CDH18: variants seen among roughly 807,000 people sequenced by gnomAD.
The protein encoded by CDH18 is cadherin 18, also known as cadherin-18.
Under a neutral mutation model 67.9 loss-of-function variants are expected in CDH18, and 31 were observed. That is an observed-to-expected ratio of 0.46 (90% CI 0.34 to 0.62). The LOEUF is 0.62. CDH18 is among the 20% of genes least tolerant of loss of function. The probability of loss-of-function intolerance (pLI) is 0.01; values close to 1 mark genes in which losing one functional copy is unlikely to be tolerated. For synonymous variants in CDH18, 362 were observed against 347.2 expected (o/e 1.04, Z -0.48); for missense variants, 890 against 975.5 (o/e 0.91, Z 1.17).
intron 4 of CDH18, among the ~76,000 whole-genome samples, chr5:19,744,679 GC>G (rs1769737141): frequency 6.6e-6 from 1 of 151,864 alleles, no homozygotes; most frequent in Non-Finnish European, 1.5e-5. Flanking sequence ...TATTTATTTT[GC>G]CCTAGCTGAT....
intron 8 of CDH18, among the ~76,000 whole-genome samples, chr5:19,550,696 C>T (rs1165135794): frequency 7.2e-6 from 1 of 138,616 alleles, no homozygotes; most frequent in Non-Finnish European, 1.6e-5. Context: ...CAAGTCTTTG[C>T]TGTTGTGAAT....
At chr5:20,130,029 T>C (rs1749133193) in intron 2 of CDH18, among the ~76,000 whole-genome samples, 1 of 150,678 alleles carries the variant, frequency 6.6e-6, no homozygotes, top group African/African-American at 2.4e-5. Context: ...TGGTGGAAAG[T>C]ACCTATACAG....
intron 1 of CDH18, among the ~76,000 whole-genome samples, chr5:20,375,047 T>C (rs1045855038): frequency 6.6e-6 from 1 of 152,204 alleles, no homozygotes; most frequent in Non-Finnish European, 1.5e-5. Context: ...TAAATATTTA[T>C]ATGAGGCTTG....
intron 5 of CDH18, among the ~76,000 whole-genome samples, chr5:19,653,298 T>C (rs556207068): frequency 3.3e-5 from 5 of 152,184 alleles, no homozygotes; most frequent in African/African-American, 9.6e-5. Context: ...AGTCTTTTTT[T>C]TCTCTCTCTA....
chr5:20,381,304 C>T (rs1334072454), intron 1 of CDH18, among the ~76,000 whole-genome samples: 1 of 151,930 alleles, frequency 6.6e-6, no homozygotes, highest in Non-Finnish European at 1.5e-5. Context: ...ATATATGACC[C>T]ATACAAATGC....
At chr5:19,970,223 T>G (rs1037791374) in intron 2 of CDH18, among the ~76,000 whole-genome samples, 5 of 151,206 alleles carry the variant, frequency 3.3e-5, no homozygotes, top group African/African-American at 1.2e-4. Context: ...TAAATTATAA[T>G]AAATTATAGT....
At chr5:19,524,663 C>G (rs1186363850) in intron 9 of CDH18, among the ~76,000 whole-genome samples, 1 of 152,140 alleles carries the variant, frequency 6.6e-6, no homozygotes, top group Non-Finnish European at 1.5e-5. Flanking sequence ...AAAGCAATCT[C>G]TTTTAAAAAT....
At chr5:19,719,540 GAAT>G (rs956227102) in intron 5 of CDH18, among the ~76,000 whole-genome samples, 2 of 151,914 alleles carry the variant, frequency 1.3e-5, no homozygotes, top group African/African-American at 4.8e-5. Context: ...CTCTTCTAAT[GAAT>G]AATAATGTGT....
chr5:20,347,793 G>GC (rs1740828800), intron 1 of CDH18, among the ~76,000 whole-genome samples: 1 of 152,164 alleles, frequency 6.6e-6, no homozygotes, highest in Non-Finnish European at 1.5e-5. Flanking sequence ...ATGTGCAGAT[G>GC]CAACACCCAT....
At chr5:20,359,900 T>G (rs1056100325) in intron 1 of CDH18, among the ~76,000 whole-genome samples, 1 of 151,878 alleles carries the variant, frequency 6.6e-6, no homozygotes, top group Non-Finnish European at 1.5e-5. Context: ...ATTTATAACT[T>G]TACAGCTTTG....
At chr5:19,868,678 A>G (rs79594874) in intron 2 of CDH18, among the ~76,000 whole-genome samples, 218 of 152,294 alleles carry the variant, frequency 1.4e-3, no homozygotes, top group Non-Finnish European at 2.6e-3. Context: ...ACATCCCTCA[A>G]TATAAGAAGG....
At chr5:19,640,495 A>G (rs534893958) in intron 5 of CDH18, among the ~76,000 whole-genome samples, 24 of 152,252 alleles carry the variant, frequency 1.6e-4, no homozygotes, top group African/African-American at 5.3e-4. Flanking sequence ...GTAAGCCACT[A>G]TAAGAAATCA....
At chr5:19,885,274 C>T (rs558196117) in intron 2 of CDH18, among the ~76,000 whole-genome samples, 4 of 152,098 alleles carry the variant, frequency 2.6e-5, no homozygotes, top group Admixed American at 6.6e-5. Context: ...ACAGCATGTA[C>T]TTTGGAAGGT....
chr5:20,385,201 C>T (rs908242246), intron 1 of CDH18, among the ~76,000 whole-genome samples: 7 of 151,960 alleles, frequency 4.6e-5, no homozygotes, highest in African/African-American at 1.5e-4. Flanking sequence ...TGCATTTAAT[C>T]GAGAAATCCA....
chr5:20,464,908 C>T (rs1249642498), intron 1 of CDH18, among the ~76,000 whole-genome samples: 2 of 152,058 alleles, frequency 1.3e-5, no homozygotes, highest in Non-Finnish European at 2.9e-5. Flanking sequence ...GTTAATAAAA[C>T]TCACAGACAT....
At chr5:19,754,066 A>G (rs1771206558) in intron 3 of CDH18, among the ~76,000 whole-genome samples, 1 of 152,182 alleles carries the variant, frequency 6.6e-6, no homozygotes, top group South Asian at 2.1e-4. Context: ...ACAAAATAGA[A>G]CTTAAAAACC....
At chr5:20,342,809 C>A (rs1737346170) in intron 1 of CDH18, among the ~76,000 whole-genome samples, 1 of 152,132 alleles carries the variant, frequency 6.6e-6, no homozygotes. Context: ...GTTGGTCCAC[C>A]ATGAGTGAGC....
intron 2 of CDH18, among the ~76,000 whole-genome samples, chr5:20,179,594 A>G (rs979249355): frequency 1.3e-5 from 2 of 152,152 alleles, no homozygotes; most frequent in Non-Finnish European, 2.9e-5. Context: ...GAAGTTATTT[A>G]CTGGGAAGAA....
At chr5:20,504,916 C>G (rs550523091) in intron 1 of CDH18, among the ~76,000 whole-genome samples, 3 of 151,500 alleles carry the variant, frequency 2.0e-5, no homozygotes, top group Non-Finnish European at 4.4e-5. Flanking sequence ...TACAGGCACC[C>G]GCCACCACGC....
Sources: gnomAD v4.1 joint callset for allele counts (sites outside exome capture counted in the v4.1 genomes callset) on GRCh38, gnomAD v4.1.1 for gene constraint, MANE v1.5 for transcripts, NCBI Gene and HGNC (gene_info 2026-07-23, HGNC 2026-07-21) for gene names.